The following FAM210B variants were observed in gnomAD, a reference collection of about 807,000 sequenced individuals.
FAM210B encodes mitochondrial inner membrane scaffold 2.
A neutral mutation model predicts 14.9 loss-of-function variants in FAM210B; 11 were observed. That is an observed-to-expected ratio of 0.74 (90% CI 0.46 to 1.22). FAM210B has a LOEUF of 1.22. Among genes scored for constraint, FAM210B ranks in the 50% most tolerant of loss-of-function variants. FAM210B has a pLI of 0.00. For synonymous variants in FAM210B, 113 were observed against 110.2 expected (o/e 1.03, Z -0.16); for missense variants, 229 against 250.1 (o/e 0.92, Z 0.57).
Position 56,358,978 on chromosome 20 carries a change from G to A in FAM210B, c.-28G>A. 8.4e-7 allele frequency: 1 copy of A among 1,196,998 alleles called. No homozygotes were observed. Among genetic ancestry groups the A allele is most frequent in the East Asian group, 3.9e-5 (1 of 25,354 alleles). 74.1% of individuals were successfully genotyped at this position (1,196,998 alleles called of 1,614,324 possible). ...CCTCCGCCCGCCTCCCGGGTCAGCG[G>A]CGCGGGTGCTGCGCCTAGCTGCGCA... On this transcript the variant is annotated 5_prime_UTR_variant, in exon 1 of 3. Coordinates refer to ENST00000371384, the MANE Select transcript of FAM210B (RefSeq NM_080821.3).
intron 1 of FAM210B, among the ~76,000 whole-genome samples, chr20:56,364,336 T>G (rs1983588658): frequency 6.6e-6 from 1 of 152,232 alleles, no homozygotes; most frequent in Non-Finnish European, 1.5e-5. Context: ...TCATGGCCCT[T>G]GCCTCCATAA....
chr20:56,364,175 A>G (rs1348183361), intron 1 of FAM210B, among the ~76,000 whole-genome samples: 1 of 152,214 alleles, frequency 6.6e-6, no homozygotes, highest in Admixed American at 6.5e-5. Flanking sequence ...GTTTAAAACA[A>G]TCCACATTTA....
chr20:56,365,523 G>A (rs1983615553), intron 2 of FAM210B, among the ~76,000 whole-genome samples: 1 of 151,384 alleles, frequency 6.6e-6, no homozygotes, highest in Admixed American at 6.6e-5. Context: ...TGTTTGTTTT[G>A]GGGGACGGAC....
Position 56,366,466 on chromosome 20 carries a change from C to G in FAM210B, c.*179C>G. ...CTTTTGAACAATTTTAATTTTTTGC[C>G]TCATAAATTTTGTGAATGCTATTCA... is the stretch of plus-strand genomic sequence containing the variant. On this transcript the variant is annotated 3_prime_UTR_variant, in exon 3 of 3. Transcript: ENST00000371384. 1 of 628,512 alleles carries G rather than the reference C, an allele frequency of 1.6e-6. No homozygotes were observed. Among genetic ancestry groups the G allele is most frequent in the East Asian group, 2.8e-5 (1 of 35,824 alleles). 38.9% of individuals were successfully genotyped at this position (628,512 alleles called of 1,614,324 possible).
In FAM210B at chr20:56,362,052, A is replaced by C. The variant is rs1983542459; in HGVS notation, c.186+2861A>C. 6.6e-6 allele frequency among the ~76,000 whole-genome samples: 1 copy of C among 152,110 alleles called. No homozygotes were observed. Among genetic ancestry groups the C allele is most frequent in the Non-Finnish European group, 1.5e-5 (1 of 68,000 alleles). ...ACTTCTGGCCTCAAGCAATCCTCCT[A>C]CACCTCAGCTTCCCAAAGTGTTAGG... On this transcript the variant is annotated intron_variant, in intron 1 of 2. Coordinates refer to ENST00000371384, the MANE Select transcript of FAM210B (RefSeq NM_080821.3). This position sits in a 1 kb window ranked among gnomAD's most constrained non-coding sequence, Gnocchi z 4.8.
Position 56,363,072 on chromosome 20 carries a change from A to G in FAM210B, c.187-2015A>G, listed in dbSNP as rs1173341489. 6.6e-6 allele frequency among the ~76,000 whole-genome samples: 1 copy of G among 152,248 alleles called. No homozygotes were observed. Among genetic ancestry groups the G allele is most frequent in the African/African-American group, 2.4e-5 (1 of 41,476 alleles). On this transcript the variant is annotated intron_variant, in intron 1 of 2. Transcript: ENST00000371384. The surrounding 1 kb of genome is among the most constrained non-coding windows in gnomAD (Gnocchi z 4.1). ...TGGCAGGACTAGTCAGAAGGCTTCAAGGAAACGGGAGGTCACATGTGCTGG... is the reference window on the plus strand; with the variant it reads ...TGGCAGGACTAGTCAGAAGGCTTCAGGGAAACGGGAGGTCACATGTGCTGG...
rs1417556869 is a variant in FAM210B, at chr20:56,361,775, G to A, written c.186+2584G>A. 2.0e-5 allele frequency among the ~76,000 whole-genome samples: 3 copies of A among 152,088 alleles called. No individual in the cohort carries two copies. In the East Asian group the frequency reaches 5.8e-4, roughly 29 times the overall value. On this transcript the variant is annotated intron_variant, in intron 1 of 2. Coordinates refer to ENST00000371384, the MANE Select transcript of FAM210B (RefSeq NM_080821.3). The stretch of plus-strand genomic sequence containing the variant: ...GTGGATCACCTGACGTCAGAAGCTC[G>A]AGACCAGCCTGGCTAACATAATGAA...
intron 1 of FAM210B, among the ~76,000 whole-genome samples, chr20:56,361,746 G>T (rs1354326099): frequency 6.6e-6 from 1 of 152,160 alleles, no homozygotes; most frequent in East Asian, 1.9e-4. Context: ...GGAGGCCAAG[G>T]TGGGTGGATC....
In FAM210B at chr20:56,366,733, TTC is replaced by T. The variant is rs1983643493; in HGVS notation, c.*447_*448del. The T allele has an allele frequency of 6.3e-6, 1 of 158,892 alleles. No homozygotes were observed. The highest frequency in any genetic ancestry group is 1.4e-5 in the Non-Finnish European group (1 of 72,202). The allele number at this position is 158,892 out of a possible 1,614,324, so 9.8% of individuals were successfully genotyped here. A position where few individuals can be genotyped will look rare whatever the true frequency, so the allele number is the denominator to read the frequency against. On this transcript the variant is annotated 3_prime_UTR_variant, in exon 3 of 3. Coordinates refer to ENST00000371384, the MANE Select transcript of FAM210B (RefSeq NM_080821.3). ...GCTGCCTACAGTTTAATATGCAGCGTTCACAAAACAGCTGCCAGTGCTACAAT... is the reference window on the plus strand; with the variant it reads ...GCTGCCTACAGTTTAATATGCAGCGTACAAAACAGCTGCCAGTGCTACAAT...
chr20:56,361,406 G>GT (rs1983529453), intron 1 of FAM210B, among the ~76,000 whole-genome samples: 1 of 152,122 alleles, frequency 6.6e-6, no homozygotes, highest in African/African-American at 2.4e-5. Flanking sequence ...GGTTTTGTCA[G>GT]TTTTTTCCAT....
intron 1 of FAM210B, among the ~76,000 whole-genome samples, chr20:56,364,530 A>C (rs1312622414): frequency 6.6e-6 from 1 of 152,148 alleles, no homozygotes; most frequent in African/African-American, 2.4e-5. Context: ...ACATCTGCAA[A>C]GTTCTTCTGC....
At chr20:56,360,031 A>T (rs1156650627) in intron 1 of FAM210B, among the ~76,000 whole-genome samples, 1 of 152,246 alleles carries the variant, frequency 6.6e-6, no homozygotes, top group Non-Finnish European at 1.5e-5. Context: ...AGACAACTCC[A>T]TGAGCTGGTG....
intron 2 of FAM210B, 65 bp downstream of exon 2, chr20:56,365,327 A>T (rs966332341): frequency 3.8e-5 from 59 of 1,544,236 alleles, no homozygotes; most frequent in Non-Finnish European, 5.1e-5. Flanking sequence ...TGTGAATAAG[A>T]ACGTGTTTGC....
chr20:56,361,130 T>C (rs1368813861), intron 1 of FAM210B, among the ~76,000 whole-genome samples: 3 of 152,186 alleles, frequency 2.0e-5, no homozygotes, highest in African/African-American at 7.2e-5. Context: ...GTGCCACTTA[T>C]TCCTTCCAGG....
Position 56,359,091 on chromosome 20 carries a change from CCG to C in FAM210B, c.88_89del (p.Ala30ProfsTer105). 1 of 1,342,912 alleles carries C rather than the reference CCG, an allele frequency of 7.4e-7. No individual in the cohort carries two copies. Among genetic ancestry groups the C allele is most frequent in the Non-Finnish European group, 9.6e-7 (1 of 1,044,952 alleles). The allele number at this position is 1,342,912 out of a possible 1,614,324, so 83.2% of individuals were successfully genotyped here. The stretch of plus-strand genomic sequence containing the variant: ...CGCGCCACCTGGCTCCTGGGCGCCA[CCG>C]CCCCCTGCGCCCCGCCGCCCCTGGC... On this transcript the variant is annotated frameshift_variant, in exon 1 of 3. Transcript: ENST00000371384. LOFTEE classifies it high-confidence loss of function. This position sits in a 1 kb window ranked among gnomAD's most constrained non-coding sequence, Gnocchi z 4.3.
intron 1 of FAM210B, among the ~76,000 whole-genome samples, chr20:56,361,210 C>A (rs537307245): frequency 5.9e-5 from 9 of 152,190 alleles, no homozygotes; most frequent in Non-Finnish European, 1.2e-4. Flanking sequence ...TCCGTCAGTT[C>A]TGGTTCCAGT....
rs1983501896 is a variant in FAM210B at position 56,360,085 on chromosome 20, C to G, written c.186+894C>G. 7.1e-6 allele frequency: 3 copies of G among 421,286 alleles called. No homozygotes were observed. In the Admixed American group the frequency reaches 7.6e-5, roughly 11 times the overall value. 26.1% of individuals were successfully genotyped at this position (421,286 alleles called of 1,614,324 possible). ...CGCCGGCCCAGCGAACATCTCCTGA[C>G]CGTTTCCTAGCTTTTCAGTAAGGAG... is the stretch of plus-strand genomic sequence containing the variant. On this transcript the variant is annotated intron_variant, in intron 1 of 2. Coordinates refer to ENST00000371384, the MANE Select transcript of FAM210B (RefSeq NM_080821.3).
intron 1 of FAM210B, among the ~76,000 whole-genome samples, chr20:56,364,079 T>G (rs1232638827): frequency 2.6e-5 from 4 of 152,198 alleles, no homozygotes; most frequent in Non-Finnish European, 5.9e-5. Context: ...AGAAAATGCT[T>G]GATAAAGGAT....
Position 56,365,110 on chromosome 20 carries a change from A to G in FAM210B, c.210A>G (p.Thr70=). The change falls in exon 2 of 3, where the codon ACA becomes ACG. Residue 70 remains threonine (T), a synonymous_variant. Transcript: ENST00000371384. ...GHQDPSQATG[T]TGSSVSCTEE... ...AGGACCCCAGCCAGGCCACGGGGAC[A>G]ACAGGCAGCAGCGTCAGCTGCACAG... is the stretch of plus-strand genomic sequence containing the variant. 1 of 1,613,598 alleles carries G rather than the reference A, an allele frequency of 6.2e-7. No homozygotes were observed. Among genetic ancestry groups the G allele is most frequent in the Non-Finnish European group, 8.5e-7 (1 of 1,180,012 alleles).
Sources: allele counts gnomAD v4.1 joint callset (sites outside exome capture counted in the v4.1 genomes callset), GRCh38; gene constraint gnomAD v4.1.1; non-coding constraint Gnocchi (gnomAD v3.1); transcripts MANE v1.5; gene names NCBI Gene and HGNC (gene_info 2026-07-23, HGNC 2026-07-21).